ERCC5: variants seen among roughly 807,000 people sequenced by gnomAD.
ERCC5 encodes the protein ERCC excision repair 5, endonuclease.
ERCC5 carries 68 observed loss-of-function variants against 105.6 expected under a neutral mutation model. The observed-to-expected ratio is 0.64, with a 90% CI of 0.53 to 0.79. The LOEUF (loss-of-function observed/expected upper bound fraction) is 0.79, where lower values mean the gene tolerates loss of function less well. ERCC5 is among the 30% of genes least tolerant of loss of function. ERCC5 has a pLI of 0.00. For missense variants in ERCC5, 1,373 were observed against 1,426.7 expected (o/e 0.96, Z 0.61); for synonymous variants, 546 against 526.2 (o/e 1.04, Z -0.51).
In ERCC5 at chr13:102,858,264, T is replaced by TA; in HGVS notation, c.529-10dup. On this transcript the variant is annotated splice_polypyrimidine_tract_variant and intron_variant, in intron 5 of 14. Transcript: ENST00000652225. ...TGTAAATTTCATGGTGCTGTGATTT[T>TA]ATCTTTACAGGAAGAGTTCTTTCAT... The TA allele has an allele frequency of 1.2e-6, 2 of 1,614,176 alleles. No homozygotes were observed. The highest frequency in any genetic ancestry group is 1.7e-6 in the Non-Finnish European group (2 of 1,180,004).
intron 11 of ERCC5, 50 bp from the exon 12 acceptor site, chr13:102,868,063 T>A (rs1266466981): frequency 3.2e-6 from 5 of 1,550,744 alleles, no homozygotes; most frequent in Non-Finnish European, 3.5e-6. Context: ...TGTTTATAAA[T>A]GTCATATAAG....
chr13:102,865,297 G>A lies in ERCC5; in HGVS notation c.1955-370G>A, dbSNP rs896665686. The stretch of plus-strand genomic sequence containing the variant: ...AGCTTTATTCTGTGCTGTGTAAATA[G>A]CATAAAAACATACTGAGCAACTTCC... On this transcript the variant is annotated intron_variant, in intron 8 of 14. Coordinates refer to ENST00000652225, the MANE Select transcript of ERCC5 (RefSeq NM_000123.4). The surrounding 1 kb of genome is among the most constrained non-coding windows in gnomAD (Gnocchi z 4.0). 6.0e-6 allele frequency: 2 copies of A among 333,386 alleles called. No homozygotes were observed. Among genetic ancestry groups the A allele is most frequent in the South Asian group, 2.5e-5 (1 of 39,526 alleles). The allele number at this position is 333,386 out of a possible 1,614,324, so 20.7% of individuals were successfully genotyped here. A position where few individuals can be genotyped will look rare whatever the true frequency, so the allele number is the denominator to read the frequency against.
Position 102,868,390 on chromosome 13 carries a change from A to G in ERCC5, c.2678+133A>G, listed in dbSNP as rs760220316. 600 of 1,276,596 alleles carry G rather than the reference A, an allele frequency of 4.7e-4. 1 individual carries two copies. The highest frequency in any genetic ancestry group is 6.2e-4 in the Non-Finnish European group (560 of 907,764). The allele number at this position is 1,276,596 out of a possible 1,614,324, so 79.1% of individuals were successfully genotyped here. A position where few individuals can be genotyped will look rare whatever the true frequency, so the allele number is the denominator to read the frequency against. ...GTTCACTGAGAAAGCAGCAGAAAGT[A>G]TTGGTTGTTTTCCATTTTCTAGAGA... On this transcript the variant is annotated intron_variant, in intron 12 of 14. Coordinates refer to ENST00000652225, the MANE Select transcript of ERCC5 (RefSeq NM_000123.4).
intron 14 of ERCC5, among the ~76,000 whole-genome samples, 178 bp from the exon 15 acceptor site, chr13:102,875,129 A>G (rs1883167248): frequency 6.6e-6 from 1 of 152,184 alleles, no homozygotes; most frequent in South Asian, 2.1e-4. Context: ...ATGATTTAGA[A>G]AGTGAAAATT....
chr13:102,869,468 C>T (rs1001441983), intron 12 of ERCC5, among the ~76,000 whole-genome samples: 1 of 151,650 alleles, frequency 6.6e-6, no homozygotes, highest in African/African-American at 2.4e-5. Context: ...CATATATATG[C>T]ATATACATTG....
rs756414179 is a variant in ERCC5, at chr13:102,862,882, T to C, written c.1733T>C (p.Ile578Thr). ...AAACCGAATTCTGCTTCTGAAGTCA[T>C]TGGCCCTGTCAGTTTGCAAGAAACA... ...KCKPNSASEV[I>T]GPVSLQETSS... The change falls in exon 8 of 15, where the codon ATT (isoleucine) becomes ACT (threonine). Residue 578 changes from isoleucine (I) to threonine (T), a missense_variant. Physicochemically the swap from Ile to Thr is moderately conservative, Grantham distance 89. Coordinates refer to ENST00000652225, the MANE Select transcript of ERCC5 (RefSeq NM_000123.4). 4 of 1,614,246 alleles carry C rather than the reference T, an allele frequency of 2.5e-6. No homozygotes were observed. Among genetic ancestry groups the C allele is most frequent in the African/African-American group, 1.3e-5 (1 of 75,064 alleles).
Position 102,868,142 on chromosome 13 carries a change from G to A in ERCC5, c.2563G>A (p.Ala855Thr), listed in dbSNP as rs1882910253. The change falls in exon 12 of 15, where the codon GCT (alanine) becomes ACT (threonine). Residue 855 changes from alanine to threonine, a missense_variant. Ala to Thr is a moderately conservative substitution (Grantham distance 58). Around this residue, in one of 3 missense-constraint regions of ERCC5, gnomAD observed 1,004 missense variants for 1,059.7 expected, o/e 0.95. Transcript: ENST00000652225. ...GLDRNKLINL[A>T]YLLGSDYTEG... ...GGACCGGAATAAGTTAATAAATTTG[G>A]CTTATTTGCTTGGAAGTGATTATAC... 2 of 1,614,040 alleles carry A rather than the reference G, an allele frequency of 1.2e-6. No homozygotes were observed. The highest frequency in any genetic ancestry group is 1.7e-6 in the Non-Finnish European group (2 of 1,179,994).
At chr13:102,848,501 A>G (rs1374755449) in intron 1 of ERCC5, among the ~76,000 whole-genome samples, 2 of 152,230 alleles carry the variant, frequency 1.3e-5, no homozygotes, top group Non-Finnish European at 2.9e-5. Context: ...ATATGCGTTT[A>G]AGTGTATTAG....
intron 3 of ERCC5, 146 bp downstream of exon 3, chr13:102,854,018 A>T (rs1308133954): frequency 1.2e-6 from 1 of 801,746 alleles, no homozygotes; most frequent in South Asian, 1.7e-5. Flanking sequence ...TGCCATTTTG[A>T]CCTGGTAATT....
intron 5 of ERCC5, 142 bp from the exon 6 acceptor site, chr13:102,858,133 A>C (rs1566466554): frequency 1.7e-6 from 2 of 1,194,208 alleles, no homozygotes; most frequent in Non-Finnish European, 2.4e-6. Context: ...TGCCTGTCAC[A>C]GATTATATGC....
Position 102,853,762 on chromosome 13 carries a change from G to A in ERCC5, c.270G>A (p.Lys90=), listed in dbSNP as rs760695391. ...APLLKKQTLV[K]RRQRKDLASS... is the part of the protein sequence containing the mutation. ...TACATCCTTTCTTCTCATAGGTGAA[G>A]AGAAGGCAGAGAAAGGACTTAGCGT... Residue 90 remains lysine, a synonymous_variant, in exon 3 of 15, where the codon AAG becomes AAA. Coordinates refer to ENST00000652225, the MANE Select transcript of ERCC5 (RefSeq NM_000123.4). The A allele has an allele frequency of 7.4e-6, 12 of 1,613,894 alleles. 1 individual carries two copies. Among genetic ancestry groups the A allele is most frequent in the East Asian group, 2.2e-5 (1 of 44,888 alleles).
At chr13:102,869,778 T>A (rs1024743815) in intron 12 of ERCC5, among the ~76,000 whole-genome samples, 2 of 152,248 alleles carry the variant, frequency 1.3e-5, no homozygotes, top group African/African-American at 4.8e-5. Context: ...ATAAGTGAAA[T>A]AGTATCTGAC....
At chr13:102,867,066 C>T (rs1259920641) in intron 11 of ERCC5, among the ~76,000 whole-genome samples, 2 of 151,466 alleles carry the variant, frequency 1.3e-5, no homozygotes, top group African/African-American at 2.4e-5. Flanking sequence ...AATCAACTGA[C>T]TTAGTTAAAC....
In ERCC5 at chr13:102,872,237, A is replaced by G; in HGVS notation, c.2718A>G (p.Arg906=). ...WHEAQKNPKI[R]PNPHDTKVKK... ...AAGCTCAAAAAAATCCAAAGATAAG[A>G]CCTAATCCTCATGACACCAAAGTGA... The change falls in exon 13 of 15, where the codon AGA becomes AGG. Residue 906 remains arginine, a synonymous_variant. Transcript: ENST00000652225. 6.2e-7 allele frequency: 1 copy of G among 1,613,996 alleles called. No homozygotes were observed. The highest frequency in any genetic ancestry group is 1.7e-5 in the Admixed American group (1 of 60,004).
chr13:102,863,648 G>A (rs1437468503), intron 8 of ERCC5, among the ~76,000 whole-genome samples: 1 of 152,160 alleles, frequency 6.6e-6, no homozygotes, highest in East Asian at 1.9e-4. Context: ...TCACCGCAAT[G>A]TCTTTGTGGT....
At chr13:102,855,904 C>G (rs1190816337) in intron 4 of ERCC5, 148 bp from the exon 5 acceptor site, 26 of 770,272 alleles carry the variant, frequency 3.4e-5, no homozygotes, top group Non-Finnish European at 5.7e-5. Context: ...CACGTGTCCC[C>G]CACCAGACCA....
chr13:102,866,775 C>T lies in ERCC5; in HGVS notation c.2463C>T (p.Val821=). ...SDIWLFGARH[V]YRNFFNKNKF... ...TCTGGCTGTTTGGAGCGCGGCATGT[C>T]TATAGAAACTTTTTTAATAAAAACA... is the stretch of plus-strand genomic sequence containing the variant. The change falls in exon 11 of 15, where the codon GTC becomes GTT. Residue 821 remains valine (V), a synonymous_variant. Coordinates refer to ENST00000652225, the MANE Select transcript of ERCC5 (RefSeq NM_000123.4). The T allele has an allele frequency of 1.2e-6, 2 of 1,614,220 alleles. No homozygotes were observed. The highest frequency in any genetic ancestry group is 1.7e-6 in the Non-Finnish European group (2 of 1,180,036).
chr13:102,859,886 G>A (rs1882557638), intron 6 of ERCC5, among the ~76,000 whole-genome samples: 1 of 152,222 alleles, frequency 6.6e-6, no homozygotes, highest in African/African-American at 2.4e-5. Context: ...GTGGTAAACT[G>A]TGGTCTGAAA....
chr13:102,853,696 C>A, intron 2 of ERCC5, 61 bp from the exon 3 acceptor site: 2 of 1,521,156 alleles, frequency 1.3e-6, no homozygotes, highest in South Asian at 1.2e-5. Flanking sequence ...AAATAAATCA[C>A]AGCAATGTTT....
Sources: allele counts gnomAD v4.1 joint callset (sites outside exome capture counted in the v4.1 genomes callset), GRCh38; gene constraint gnomAD v4.1.1; regional missense constraint gnomAD v4.1.1; non-coding constraint Gnocchi (gnomAD v3.1); transcripts MANE v1.5; gene names NCBI Gene and HGNC (gene_info 2026-07-23, HGNC 2026-07-21).